RANBP1: variants seen among roughly 807,000 people sequenced by gnomAD.
RANBP1 encodes ran-specific GTPase-activating protein.
In RANBP1, 16 loss-of-function variants were observed where a neutral mutation model predicts 31.4. The ratio of observed to expected loss-of-function variants is 0.51; its 90% CI spans 0.34 to 0.77. The LOEUF is 0.77. Ranked by LOEUF, RANBP1 falls within the 30% of genes least tolerant of loss-of-function variation. RANBP1 has a pLI of 0.01. For synonymous variants in RANBP1, 129 were observed against 140.5 expected, an observed-to-expected ratio of 0.92 and a Z score of 0.58; for missense variants, 265 against 362.0, an observed-to-expected ratio of 0.73 and a Z score of 2.17.
At chr22:20,121,829 C>T (rs149456571) in intron 2 of RANBP1, among the ~76,000 whole-genome samples, 1 of 138,762 alleles carries the variant, frequency 7.2e-6, no homozygotes, top group Non-Finnish European at 1.6e-5. Context: ...TCCTCTGCCT[C>T]CTGGGCTCAA....
intron 2 of RANBP1, among the ~76,000 whole-genome samples, chr22:20,119,705 C>T (rs573809827): frequency 3.3e-5 from 5 of 152,248 alleles, no homozygotes; most frequent in East Asian, 1.9e-4. Context: ...TTAGTAGAGA[C>T]GGAGTTTCAC....
rs764028453 is a variant in RANBP1, at chr22:20,116,316, C to T, written c.132C>T (p.Cys44=). 22 of 1,612,834 alleles carry T rather than the reference C, an allele frequency of 1.4e-5. No homozygotes were observed. The South Asian group carries it at 2.2e-4, about 16-fold the overall frequency. ...LRNVTKAQGG[C]PKSLVLWGCR... ...ATGTCACAAAGGCGCAGGGTGGTTG[C>T]CCAAAGAGTTTGGTTTTGTGGGGCT... The change falls in exon 1 of 6, where the codon TGC becomes TGT. Residue 44 remains cysteine, a synonymous_variant. Coordinates refer to ENST00000430524, the MANE Select transcript of RANBP1 (RefSeq NM_001278639.2).
chr22:20,125,170 G>A (rs533327784), intron 3 of RANBP1, 138 bp from the exon 4 acceptor site: 6 of 936,532 alleles, frequency 6.4e-6, no homozygotes, highest in Non-Finnish European at 9.9e-6. Flanking sequence ...TCTAAGCCTG[G>A]TTCTCCAACC....
At chr22:20,119,916 C>T (rs765211232) in intron 2 of RANBP1, among the ~76,000 whole-genome samples, 17 of 152,218 alleles carry the variant, frequency 1.1e-4, no homozygotes, top group Non-Finnish European at 2.2e-4. Flanking sequence ...TGCTTCTTGA[C>T]GCTTTCAGTT....
chr22:20,118,880 C>T, intron 1 of RANBP1, 133 bp from the exon 2 acceptor site: 1 of 875,320 alleles, frequency 1.1e-6, no homozygotes, highest in Non-Finnish European at 1.8e-6. Context: ...TAATTTCTTG[C>T]TTTGGGGTTG....
At chr22:20,126,569 C>T (rs753525977) in intron 5 of RANBP1, 26 of 1,552,398 alleles carry the variant, frequency 1.7e-5, no homozygotes, top group Non-Finnish European at 2.0e-5. Context: ...TTGCTGGCCT[C>T]AGTCCAATTG....
rs775989196 is a variant in RANBP1 at position 20,119,167 on chromosome 22, C to T, written c.383+18C>T. On this transcript the variant is annotated intron_variant, in intron 2 of 5. Coordinates refer to ENST00000430524, the MANE Select transcript of RANBP1 (RefSeq NM_001278639.2). ...TTTAAAATGTAAGTAGGCTGATGTC[C>T]CAGAAATAGGACTCTTTAAGGTTGA... The T allele has an allele frequency of 1.2e-6, 2 of 1,608,212 alleles. No individual in the cohort carries two copies. Among genetic ancestry groups the T allele is most frequent in the East Asian group, 2.2e-5 (1 of 44,858 alleles).
At chr22:20,119,368 C>T in intron 2 of RANBP1, 1 of 551,324 alleles carries the variant, frequency 1.8e-6, no homozygotes. Context: ...AAGGGCATCC[C>T]ATCTTGCTGC....
In RANBP1 at chr22:20,118,138, G is replaced by C. The variant is rs547325118; in HGVS notation, c.247-875G>C. 27 of 1,001,086 alleles carry C rather than the reference G, an allele frequency of 2.7e-5. No homozygotes were observed. The East Asian group carries it at 4.5e-4, about 17-fold the overall frequency. The allele number at this position is 1,001,086 out of a possible 1,614,324, so 62.0% of individuals were successfully genotyped here. A position where few individuals can be genotyped will look rare whatever the true frequency, so the allele number is the denominator to read the frequency against. On this transcript the variant is annotated intron_variant, in intron 1 of 5. Transcript: ENST00000430524. ...GTTCCAGCGTGGGGCACAGGTCCTA[G>C]ATGCGCCGACCCAGGCGGCGGCTTT...
At chr22:20,116,498 C>A in intron 1 of RANBP1, 68 bp downstream of exon 1, 1 of 1,612,736 alleles carries the variant, frequency 6.2e-7, no homozygotes, top group African/African-American at 1.3e-5. Context: ...GCCGCCCCAG[C>A]GCCCTCTTTC....
At chr22:20,117,489 G>C in intron 1 of RANBP1, 1 of 1,239,720 alleles carries the variant, frequency 8.1e-7, no homozygotes, top group Non-Finnish European at 1.0e-6. Flanking sequence ...TCCCGCCGCT[G>C]GGGTCAGGGG....
chr22:20,126,288 C>G lies in RANBP1; in HGVS notation c.671-15C>G, dbSNP rs766818828. The G allele has an allele frequency of 7.5e-6, 12 of 1,610,018 alleles. No homozygotes were observed. The East Asian group carries it at 2.7e-4, about 36-fold the overall frequency. The stretch of plus-strand genomic sequence containing the variant: ...GCTCACAGCTCTTAGGAAGTCTTCG[C>G]TCTCCCTTCCACAGATGCACAGAAA... On this transcript the variant is annotated splice_polypyrimidine_tract_variant and intron_variant, in intron 4 of 5. Transcript: ENST00000430524.
chr22:20,117,794 C>T (rs1340251682), intron 1 of RANBP1: 4 of 1,034,844 alleles, frequency 3.9e-6, no homozygotes, highest in Non-Finnish European at 4.6e-6. Context: ...TGCTGGGCCT[C>T]GGTGGCGCGG....
At chr22:20,118,404 T>C in intron 1 of RANBP1, 1 of 943,060 alleles carries the variant, frequency 1.1e-6, no homozygotes, top group Non-Finnish European at 1.3e-6. Flanking sequence ...CTTTCACCGG[T>C]ACAATTTATC....
At chr22:20,121,998 C>T (rs1410773463) in intron 2 of RANBP1, among the ~76,000 whole-genome samples, 2 of 151,618 alleles carry the variant, frequency 1.3e-5, no homozygotes, top group Admixed American at 6.6e-5. Context: ...CTCGGCCTCC[C>T]CGAATGCTGG....
intron 1 of RANBP1, chr22:20,118,125 G>T: frequency 1.0e-6 from 1 of 1,000,790 alleles, no homozygotes; most frequent in Non-Finnish European, 1.2e-6. Flanking sequence ...TCCAGCGTGG[G>T]GCACAGGTCC....
At chr22:20,117,269 A>T in intron 1 of RANBP1, 1 of 645,910 alleles carries the variant, frequency 1.5e-6, no homozygotes, top group South Asian at 3.6e-5. Flanking sequence ...GCCGGATCCA[A>T]CCCCCAACCA....
intron 1 of RANBP1, chr22:20,118,033 CT>C: frequency 1.0e-6 from 1 of 992,154 alleles, no homozygotes. Flanking sequence ...TGCATTTATT[CT>C]TTCCGTCGCC....
chr22:20,127,067 T>C lies in RANBP1; in HGVS notation c.*15T>C, dbSNP rs1164592007. 6.3e-7 allele frequency: 1 copy of C among 1,587,598 alleles called. No homozygotes were observed. Among genetic ancestry groups the C allele is most frequent in the South Asian group, 1.1e-5 (1 of 88,490 alleles). On this transcript the variant is annotated 3_prime_UTR_variant, in exon 6 of 6. Transcript: ENST00000430524. ...AGAAGCAATAAATCGTCTTATTTTA[T>C]TTTCTTTTCCTCTCTTTCCTTTCCT...
Sources: gnomAD v4.1 joint callset for allele counts (sites outside exome capture counted in the v4.1 genomes callset) on GRCh38, gnomAD v4.1.1 for gene constraint, MANE v1.5 for transcripts, NCBI Gene and HGNC (gene_info 2026-07-23, HGNC 2026-07-21) for gene names.